The following CDK7 variants were observed in gnomAD, a reference collection of about 807,000 sequenced individuals.
CDK7 encodes the protein cyclin dependent kinase 7, also known as cyclin-dependent kinase 7.
In CDK7, 25 loss-of-function variants were observed where a neutral mutation model predicts 49.1. The observed-to-expected ratio is 0.51, with a 90% CI of 0.37 to 0.71. The LOEUF (loss-of-function observed/expected upper bound fraction) is 0.71. Ranked by LOEUF, CDK7 falls within the 30% of genes least tolerant of loss-of-function variation. CDK7 has a pLI of 0.00. For synonymous variants in CDK7, 107 were observed against 140.0 expected, an observed-to-expected ratio of 0.76 and a Z score of 1.67; for missense variants, 316 against 411.7, an observed-to-expected ratio of 0.77 and a Z score of 2.01.
chr5:69,246,409 ACAGGTGTGAG>A (rs1158618553), intron 2 of CDK7, among the ~76,000 whole-genome samples: 2 of 152,106 alleles, frequency 1.3e-5, no homozygotes, highest in Non-Finnish European at 1.5e-5. Flanking sequence ...TCCTGGGATT[ACAGGTGTGAG>A]CCACCGCACC....
At chr5:69,237,447 T>G (rs936827053) in intron 2 of CDK7, among the ~76,000 whole-genome samples, 1 of 152,176 alleles carries the variant, frequency 6.6e-6, no homozygotes, top group Non-Finnish European at 1.5e-5. Flanking sequence ...TCATCCAGGC[T>G]TCACTCAAAT....
upstream of CDK7, chr5:69,234,847 GA>G: frequency 6.6e-6 from 6 of 911,276 alleles, no homozygotes; most frequent in Non-Finnish European, 1.0e-5. Flanking sequence ...CCACGGAAGT[GA>G]GGCGGGGATA....
intron 8 of CDK7, 28 bp downstream of exon 8, chr5:69,262,332 A>T (rs1336494652): frequency 1.2e-6 from 2 of 1,613,776 alleles, no homozygotes; most frequent in African/African-American, 2.7e-5. Context: ...TACGCACTTT[A>T]ATATTGTTGT....
At chr5:69,261,755 T>G (rs1174258753) in intron 7 of CDK7, among the ~76,000 whole-genome samples, 1 of 152,032 alleles carries the variant, frequency 6.6e-6, no homozygotes, top group Non-Finnish European at 1.5e-5. Flanking sequence ...GGTCTCAAAC[T>G]CCTGACCTCG....
chr5:69,245,297 C>T (rs55658149), intron 2 of CDK7, among the ~76,000 whole-genome samples: 3 of 29,946 alleles, frequency 1.0e-4, no homozygotes, highest in South Asian at 2.5e-3. Flanking sequence ...CCCCTCCCTT[C>T]CCCCTCCCCT....
intron 2 of CDK7, among the ~76,000 whole-genome samples, chr5:69,243,971 T>C (rs1477649341): frequency 1.3e-5 from 2 of 151,926 alleles, no homozygotes; most frequent in Admixed American, 6.6e-5. Flanking sequence ...TACCTGGGAT[T>C]ACAGGCGCAT....
intron 4 of CDK7, 56 bp downstream of exon 4, chr5:69,254,725 A>G (rs1450471291): frequency 2.2e-6 from 2 of 897,968 alleles, no homozygotes; most frequent in Non-Finnish European, 3.7e-6. Context: ...TCTTAATATA[A>G]TGGATGTTGA....
chr5:69,246,808 T>C (rs555887083), intron 2 of CDK7, among the ~76,000 whole-genome samples: 70 of 152,270 alleles, frequency 4.6e-4, no homozygotes, highest in African/African-American at 1.6e-3. Context: ...TCCGTTATAA[T>C]TTCTTTGAAG....
At chr5:69,247,721 T>C (rs1749849895) in intron 2 of CDK7, among the ~76,000 whole-genome samples, 1 of 152,184 alleles carries the variant, frequency 6.6e-6, no homozygotes, top group South Asian at 2.1e-4. Context: ...TTTTAATTTC[T>C]TAATTTTTAT....
intron 2 of CDK7, among the ~76,000 whole-genome samples, chr5:69,241,577 G>C (rs1454274472): frequency 6.6e-6 from 1 of 151,994 alleles, no homozygotes; most frequent in African/African-American, 2.4e-5. Context: ...GCCTGCCTCA[G>C]CCTCCCAAAG....
chr5:69,252,668 TGTG>T (rs1449538869), intron 3 of CDK7, among the ~76,000 whole-genome samples: 1 of 151,836 alleles, frequency 6.6e-6, no homozygotes, highest in Non-Finnish European at 1.5e-5. Flanking sequence ...TGCCACCACT[TGTG>T]GTTAATGTTT....
Position 69,262,269 on chromosome 5 carries a change from G to A in CDK7, c.592G>A (p.Ala198Thr). 1 of 1,614,084 alleles carries A rather than the reference G, an allele frequency of 6.2e-7. No homozygotes were observed. The highest frequency in any genetic ancestry group is 8.5e-7 in the Non-Finnish European group (1 of 1,179,970). ...GTATGGTGTAGGTGTGGACATGTGG[G>A]CTGTTGGCTGTATATTAGCAGAGTT... ...RMYGVGVDMW[A>T]VGCILAELLL... Residue 198 changes from alanine (A) to threonine (T), a missense_variant, in exon 8 of 12, where the codon GCT becomes ACT. Ala to Thr is a moderately conservative substitution (Grantham distance 58). Transcript: ENST00000256443.
At chr5:69,236,344 C>T (rs958533246) in intron 2 of CDK7, among the ~76,000 whole-genome samples, 1 of 151,912 alleles carries the variant, frequency 6.6e-6, no homozygotes, top group East Asian at 1.9e-4. Flanking sequence ...AAAAGTAACC[C>T]TATTTTATAC....
chr5:69,261,668 T>C (rs1195482567), intron 7 of CDK7, among the ~76,000 whole-genome samples: 2 of 152,006 alleles, frequency 1.3e-5, no homozygotes, highest in Non-Finnish European at 2.9e-5. Context: ...GTAGCTGGGA[T>C]TACAGGCGCC....
chr5:69,269,650 G>A (rs1751395500), intron 9 of CDK7, among the ~76,000 whole-genome samples: 1 of 151,820 alleles, frequency 6.6e-6, no homozygotes, highest in Non-Finnish European at 1.5e-5. Flanking sequence ...ATATATACAC[G>A]GTGTGAAGCC....
At chr5:69,240,312 C>T (rs1284605009) in intron 2 of CDK7, among the ~76,000 whole-genome samples, 1 of 152,002 alleles carries the variant, frequency 6.6e-6, no homozygotes, top group Admixed American at 6.6e-5. Flanking sequence ...AAATGTGAAT[C>T]AGGAAAATTT....
At chr5:69,244,959 A>G (rs1749639033) in intron 2 of CDK7, among the ~76,000 whole-genome samples, 1 of 152,148 alleles carries the variant, frequency 6.6e-6, no homozygotes, top group Admixed American at 6.5e-5. Flanking sequence ...TCTGTCCTTC[A>G]TTTGTTGATA....
intron 3 of CDK7, among the ~76,000 whole-genome samples, chr5:69,252,926 G>C (rs1467435751): frequency 6.6e-6 from 1 of 152,174 alleles, no homozygotes; most frequent in Non-Finnish European, 1.5e-5. Context: ...GCATAGAGAA[G>C]GAGTATTTGG....
chr5:69,269,423 T>A, intron 9 of CDK7, 130 bp downstream of exon 9: 2 of 565,948 alleles, frequency 3.5e-6, no homozygotes, highest in Non-Finnish European at 6.1e-6. Context: ...CAGAACACTT[T>A]AAATGATAAA....
Sources: allele counts gnomAD v4.1 joint callset (sites outside exome capture counted in the v4.1 genomes callset), GRCh38; gene constraint gnomAD v4.1.1; transcripts MANE v1.5; gene names NCBI Gene and HGNC (gene_info 2026-07-23, HGNC 2026-07-21).